MACC1: variants seen among roughly 807,000 people sequenced by gnomAD.
The protein encoded by MACC1 is MET transcriptional regulator MACC1.
Under a neutral mutation model 70.7 loss-of-function variants are expected in MACC1, and 79 were observed. The ratio of observed to expected loss-of-function variants is 1.12; its 90% CI spans 0.93 to 1.35. The LOEUF (loss-of-function observed/expected upper bound fraction) is 1.35. Among genes scored for constraint, MACC1 ranks in the 40% most tolerant of loss-of-function variants. The pLI, the probability that MACC1 is intolerant of heterozygous loss-of-function variation, is 0.00. For synonymous variants in MACC1, 361 were observed against 347.2 expected, an observed-to-expected ratio of 1.04 and a Z score of -0.44; for missense variants, 1,106 against 978.1, an observed-to-expected ratio of 1.13 and a Z score of -1.74.
chr7:20,159,616 C>T lies in MACC1; in HGVS notation c.745G>A (p.Val249Met), dbSNP rs2128102846. 1.2e-6 allele frequency: 2 copies of T among 1,614,144 alleles called. No homozygotes were observed. The highest frequency in any genetic ancestry group is 2.2e-5 in the East Asian group (1 of 44,874). Reference sequence around the variant, plus strand: ...GGATCAAGGAAAGCCCTTAGAGACACCTCTTGGAATTCTCCCACAGCCACA... The same window carrying T: ...GGATCAAGGAAAGCCCTTAGAGACATCTCTTGGAATTCTCCCACAGCCACA... ...GHVAVGEFQE[V>M]SLRAFLDPPH... The change falls in exon 5 of 7, where the codon GTG becomes ATG. Residue 249 changes from valine to methionine, a missense_variant. Val to Met is a conservative substitution (Grantham distance 21). Transcript: ENST00000400331.
At chr7:20,194,515 T>C (rs937553390) in intron 1 of MACC1, among the ~76,000 whole-genome samples, 8 of 152,228 alleles carry the variant, frequency 5.3e-5, no homozygotes, top group African/African-American at 1.9e-4. Flanking sequence ...GCTCCTTTCA[T>C]GGTACCCTTA....
At chr7:20,195,819 T>C (rs1013042678) in intron 1 of MACC1, among the ~76,000 whole-genome samples, 1 of 152,226 alleles carries the variant, frequency 6.6e-6, no homozygotes, top group Non-Finnish European at 1.5e-5. Context: ...AAAAACTTGT[T>C]GCAGCTAGAA....
In MACC1 at chr7:20,140,095, A is replaced by G. The variant is rs1317285747; in HGVS notation, c.*851T>C. The G allele has an allele frequency of 6.6e-6, 1 of 152,168 alleles. No homozygotes were observed. The highest frequency in any genetic ancestry group is 1.5e-5 in the Non-Finnish European group (1 of 68,028). 9.4% of individuals were successfully genotyped at this position (152,168 alleles called of 1,614,324 possible). The stretch of plus-strand genomic sequence containing the variant: ...CCAAGATGCTGAAGGGAGCTGATGA[A>G]AACACTAGGTCCATGCATGCAGACA... On this transcript the variant is annotated 3_prime_UTR_variant, in exon 7 of 7. Coordinates refer to ENST00000400331, the MANE Select transcript of MACC1 (RefSeq NM_182762.4).
chr7:20,141,360 A>AT (rs1427213038), intron 6 of MACC1, among the ~76,000 whole-genome samples: 1 of 152,192 alleles, frequency 6.6e-6, no homozygotes, highest in Non-Finnish European at 1.5e-5. Context: ...AAAACTAGAG[A>AT]TTTTAAAAAT....
intron 1 of MACC1, among the ~76,000 whole-genome samples, chr7:20,190,376 TA>T (rs1348309175): frequency 1.6e-4 from 24 of 152,364 alleles, no homozygotes; most frequent in African/African-American, 4.1e-4. Flanking sequence ...CCTAATCATT[TA>T]TTTTTTTAGC....
In MACC1 at chr7:20,158,627, T is replaced by A. The variant is rs1207638296; in HGVS notation, c.1734A>T (p.Ile578=). 10 of 1,614,012 alleles carry A rather than the reference T, an allele frequency of 6.2e-6. No homozygotes were observed. Among genetic ancestry groups the A allele is most frequent in the Admixed American group, 1.7e-5 (1 of 59,994 alleles). ...YFLEYFKGDT[I]ALLGEGKVKA... ...TTACCTTACCTTCCCCGAGGAGAGC[T>A]ATTGTGTCCCCTTTGAAATATTCAA... The change falls in exon 5 of 7, where the codon ATA becomes ATT. Residue 578 remains isoleucine (I), a synonymous_variant. Transcript: ENST00000400331.
chr7:20,195,840 T>C (rs1175379595), intron 1 of MACC1, among the ~76,000 whole-genome samples: 2 of 152,238 alleles, frequency 1.3e-5, no homozygotes, highest in Non-Finnish European at 2.9e-5. Flanking sequence ...CATAGTTTAT[T>C]CCTGAAGTGT....
At chr7:20,153,672 G>A (rs1462562489) in intron 6 of MACC1, 2 of 152,608 alleles carry the variant, frequency 1.3e-5, no homozygotes, top group African/African-American at 2.4e-5. Context: ...TGTAGTTACT[G>A]TAGGCAACAT....
chr7:20,197,038 T>C (rs570600568), intron 1 of MACC1, among the ~76,000 whole-genome samples: 4 of 152,216 alleles, frequency 2.6e-5, no homozygotes, highest in African/African-American at 9.6e-5. Context: ...AACATTTACC[T>C]AGTGAGTGAC....
rs1782111102 is a variant in MACC1 at position 20,159,587 on chromosome 7, T to G, written c.774A>C (p.Pro258=). The G allele has an allele frequency of 6.2e-7, 1 of 1,614,044 alleles. No individual in the cohort carries two copies. Among genetic ancestry groups the G allele is most frequent in the African/African-American group, 1.3e-5 (1 of 74,932 alleles). The change falls in exon 5 of 7, where the codon CCA becomes CCC. Residue 258 remains proline (P), a synonymous_variant. Coordinates refer to ENST00000400331, the MANE Select transcript of MACC1 (RefSeq NM_182762.4). ...EVSLRAFLDP[P]HMLNHDLSCT... The stretch of plus-strand genomic sequence containing the variant: ...ACGAAAGATCATGGTTAAGCATGTG[T>G]GGCGGATCAAGGAAAGCCCTTAGAG...
chr7:20,215,788 C>T (rs1319416986), intron 1 of MACC1, among the ~76,000 whole-genome samples: 5 of 152,296 alleles, frequency 3.3e-5, no homozygotes, highest in South Asian at 2.1e-4. Context: ...TCAGCCAATA[C>T]ATTTTAAGAT....
At chr7:20,197,920 A>G in intron 1 of MACC1, among the ~76,000 whole-genome samples, 1 of 152,232 alleles carries the variant, frequency 6.6e-6, no homozygotes. Context: ...TCACTAGAAA[A>G]TAGGCTACTT....
rs73683393 is a variant in MACC1, at chr7:20,154,130, A to G, written c.2346+63T>C. The G allele has an allele frequency of 1.6e-3, 2,472 of 1,557,478 alleles. 37 individuals are homozygous for G. The African/African-American group carries it at 0.029, about 18-fold the overall frequency. ...AATCCGTGAATGTGGTATGGGTTTG[A>G]TTACATTAGTGTTACTTGGTCTGCA... On this transcript the variant is annotated intron_variant, in intron 6 of 6. Transcript: ENST00000400331.
chr7:20,205,022 G>T (rs1025133773), intron 1 of MACC1, among the ~76,000 whole-genome samples: 1 of 152,030 alleles, frequency 6.6e-6, no homozygotes, highest in African/African-American at 2.4e-5. Flanking sequence ...CAATGAGCAA[G>T]TTTCGGTAAA....
At position 20,140,860 on chromosome 7, in the gene MACC1, C is replaced by G. The variant is rs1781788519; in HGVS notation, c.*86G>C. On this transcript the variant is annotated 3_prime_UTR_variant, in exon 7 of 7. Coordinates refer to ENST00000400331, the MANE Select transcript of MACC1 (RefSeq NM_182762.4). ...ACACAGACACACACACACAGACACACAGAGACACACACAGACACACACAGA... is the reference window on the plus strand; with the variant it reads ...ACACAGACACACACACACAGACACAGAGAGACACACACAGACACACACAGA... The G allele has an allele frequency of 3.2e-6, 3 of 948,946 alleles. No homozygotes were observed. Among genetic ancestry groups the G allele is most frequent in the Admixed American group, 4.3e-5 (2 of 46,668 alleles). The allele number at this position is 948,946 out of a possible 1,614,324, so 58.8% of individuals were successfully genotyped here. A position where few individuals can be genotyped will look rare whatever the true frequency, so the allele number is the denominator to read the frequency against.
intron 1 of MACC1, chr7:20,198,422 G>T (rs148994031): frequency 1.3e-5 from 2 of 152,254 alleles, no homozygotes; most frequent in Non-Finnish European, 2.9e-5. Flanking sequence ...ACAATGAACA[G>T]AACAGGACTG....
Position 20,161,873 on chromosome 7 carries a change from AC to A in MACC1, c.-8-4del. On this transcript the variant is annotated splice_region_variant and splice_polypyrimidine_tract_variant and intron_variant, in intron 3 of 6. Transcript: ENST00000400331. Reference sequence around the variant, plus strand: ...TTCAGTGATTAGCATTTTTCCACCTACAAAGTAAATAGATAAGTATTTTTTG... The same window carrying A: ...TTCAGTGATTAGCATTTTTCCACCTAAAAGTAAATAGATAAGTATTTTTTG... 1 of 1,550,984 alleles carries A rather than the reference AC, an allele frequency of 6.4e-7. No individual in the cohort carries two copies. The highest frequency in any genetic ancestry group is 1.1e-5 in the South Asian group (1 of 89,668).
intron 1 of MACC1, among the ~76,000 whole-genome samples, chr7:20,177,130 G>C (rs569064595): frequency 2.6e-5 from 4 of 152,000 alleles, no homozygotes; most frequent in Non-Finnish European, 1.5e-5. Context: ...AGGGGAACTA[G>C]ATGGAAGGTA....
rs773419989 is a variant in MACC1 at position 20,159,608 on chromosome 7, T to G, written c.753A>C (p.Leu251=). The stretch of plus-strand genomic sequence containing the variant: ...TGTGTGGCGGATCAAGGAAAGCCCT[T>G]AGAGACACCTCTTGGAATTCTCCCA... ...VAVGEFQEVS[L]RAFLDPPHML... The change falls in exon 5 of 7, where the codon CTA becomes CTC. Residue 251 remains leucine (L), a synonymous_variant. Transcript: ENST00000400331. The G allele has an allele frequency of 3.1e-6, 5 of 1,614,014 alleles. No homozygotes were observed. The African/African-American group carries it at 6.7e-5, about 22-fold the overall frequency.
Sources: allele counts gnomAD v4.1 joint callset (sites outside exome capture counted in the v4.1 genomes callset), GRCh38; gene constraint gnomAD v4.1.1; transcripts MANE v1.5; gene names NCBI Gene and HGNC (gene_info 2026-07-23, HGNC 2026-07-21).